The following TEX11 variants were observed in gnomAD, a reference collection of about 807,000 sequenced individuals.
TEX11 encodes testis expressed 11.
Under a neutral mutation model 84.4 loss-of-function variants are expected in TEX11, and 7 were observed. The ratio of observed to expected loss-of-function variants is 0.08; its 90% CI spans 0.05 to 0.16. The LOEUF (loss-of-function observed/expected upper bound fraction) is 0.16. Among genes scored for constraint, TEX11 ranks in the 10% least tolerant of loss-of-function variants. The pLI is 1.00. For synonymous variants in TEX11, 264 were observed against 222.8 expected (o/e 1.18, Z -1.64); for missense variants, 551 against 660.5 (o/e 0.83, Z 1.82).
At chrX:70,595,902 A>T (rs902847373) in intron 24 of TEX11, among the ~76,000 whole-genome samples, 1 of 111,277 alleles carries the variant, frequency 9.0e-6, no homozygotes, top group Non-Finnish European at 1.9e-5. Context: ...TATTAGGTTC[A>T]GAGACAAATA....
chrX:70,808,064 A>C (rs1321700262), intron 8 of TEX11, among the ~76,000 whole-genome samples: 3 of 90,140 alleles, frequency 3.3e-5, no homozygotes, highest in Non-Finnish European at 6.2e-5. Flanking sequence ...AGATCGTGCC[A>C]CTGCACTCAC....
intron 17 of TEX11, among the ~76,000 whole-genome samples, chrX:70,640,267 T>C (rs2089636665): frequency 9.3e-6 from 1 of 107,599 alleles, no homozygotes; most frequent in African/African-American, 3.4e-5. Context: ...TATGGGACTA[T>C]GTGAAAAGAC....
At chrX:70,788,134 T>C (rs1351633778) in intron 9 of TEX11, among the ~76,000 whole-genome samples, 1 of 111,769 alleles carries the variant, frequency 8.9e-6, no homozygotes, top group Non-Finnish European at 1.9e-5. Context: ...AAAATTCCAA[T>C]ATCAATTTTC....
chrX:70,640,401 T>C (rs1303451145), intron 17 of TEX11, among the ~76,000 whole-genome samples: 1 of 103,551 alleles, frequency 9.7e-6, no homozygotes, highest in Non-Finnish European at 2.0e-5. Flanking sequence ...AACGTTCAGA[T>C]TCAGGAAATA....
intron 8 of TEX11, among the ~76,000 whole-genome samples, chrX:70,824,290 A>C (rs2091333387): frequency 8.9e-6 from 1 of 112,010 alleles, no homozygotes; most frequent in South Asian, 3.7e-4. Flanking sequence ...TCAGAAGCGA[A>C]TGCTGTGGTA....
intron 7 of TEX11, among the ~76,000 whole-genome samples, chrX:70,842,372 G>A (rs1272612703): frequency 9.0e-6 from 1 of 111,052 alleles, no homozygotes; most frequent in African/African-American, 3.3e-5. Flanking sequence ...CAGAACCAAA[G>A]ACAAAAACCA....
At chrX:70,803,376 T>G (rs867982694) in intron 9 of TEX11, among the ~76,000 whole-genome samples, 3 of 111,266 alleles carry the variant, frequency 2.7e-5, no homozygotes, top group African/African-American at 9.8e-5. Flanking sequence ...CAAAAGAGTG[T>G]GGCAGAAAGC....
At chrX:70,859,348 C>G (rs967971682) in intron 5 of TEX11, among the ~76,000 whole-genome samples, 2 of 101,447 alleles carry the variant, frequency 2.0e-5, no homozygotes, top group African/African-American at 7.3e-5. Context: ...GAGGCCGGGG[C>G]GGGTGGATCA....
chrX:70,752,750 T>C (rs2090837920), intron 9 of TEX11, among the ~76,000 whole-genome samples: 1 of 109,492 alleles, frequency 9.1e-6, no homozygotes, highest in Admixed American at 9.8e-5. Context: ...GAACCAGAAA[T>C]CAGGTGGAAA....
At chrX:70,516,520 G>A in the TEX11 span, among the ~76,000 whole-genome samples, 736 of 111,792 alleles carry the variant, frequency 6.6e-3, 5 homozygotes, top group African/African-American at 0.023. Flanking sequence ...TTTGGTTACC[G>A]TAGCCTTGTA....
intron 7 of TEX11, among the ~76,000 whole-genome samples, chrX:70,844,462 G>A (rs1191075486): frequency 1.4e-5 from 1 of 71,291 alleles, no homozygotes; most frequent in African/African-American, 5.5e-5. Context: ...AGACTGTTGT[G>A]GGGTGGGGGG....
intron 13 of TEX11, among the ~76,000 whole-genome samples, chrX:70,710,885 C>A (rs977359096): frequency 3.6e-5 from 4 of 110,157 alleles, no homozygotes; most frequent in Non-Finnish European, 5.7e-5. Context: ...TGTGCCGCAC[C>A]CATTAACTCG....
chrX:70,827,092 G>C (rs781024146), intron 8 of TEX11, among the ~76,000 whole-genome samples: 8 of 111,393 alleles, frequency 7.2e-5, no homozygotes, highest in Non-Finnish European at 1.3e-4. Context: ...CAGTAGGACA[G>C]GGCACTGGGC....
chrX:70,527,711 G>A (rs936361412), downstream of TEX11, among the ~76,000 whole-genome samples: 2 of 111,846 alleles, frequency 1.8e-5, no homozygotes, highest in African/African-American at 6.5e-5. Flanking sequence ...CTGTGGTTAT[G>A]TAAGAGAGTA....
the TEX11 span, among the ~76,000 whole-genome samples, chrX:70,518,697 T>G: frequency 9.0e-6 from 1 of 111,623 alleles, no homozygotes; most frequent in Admixed American, 9.6e-5. Context: ...GTCTCATTGA[T>G]CTGTCTAATA....
intron 24 of TEX11, among the ~76,000 whole-genome samples, chrX:70,596,907 A>T (rs2147505918): frequency 9.0e-6 from 1 of 111,566 alleles, no homozygotes; most frequent in Non-Finnish European, 1.9e-5. Context: ...AGACACAAAT[A>T]ACTAAAATTA....
chrX:70,517,277 T>A, the TEX11 span, among the ~76,000 whole-genome samples: 1 of 112,049 alleles, frequency 8.9e-6, no homozygotes, highest in African/African-American at 3.2e-5. Context: ...ATAGCTCTTA[T>A]TATTTTGAGA....
At chrX:70,572,652 C>A (rs1224814158) in intron 25 of TEX11, among the ~76,000 whole-genome samples, 1 of 110,154 alleles carries the variant, frequency 9.1e-6, no homozygotes. Flanking sequence ...ACATGTACAC[C>A]ATGGAATACT....
At position 70,615,643 on chromosome X, in the gene TEX11, G is replaced by T. The variant is rs771547087; in HGVS notation, c.1752-5100C>A. On this transcript the variant is annotated intron_variant, in intron 20 of 29. Coordinates refer to ENST00000374333, the MANE Select transcript of TEX11 (RefSeq NM_031276.3). ...TTAAAGGGATAATAATAGAAAACTA[G>T]AGAAATCTAGAGAAAGATATCAATA... 3.6e-5 allele frequency among the ~76,000 whole-genome samples: 4 copies of T among 111,855 alleles called. No homozygotes were observed. The South Asian group carries it at 1.5e-3, about 42-fold the overall frequency.
Sources: allele counts gnomAD v4.1 joint callset (sites outside exome capture counted in the v4.1 genomes callset), GRCh38; gene constraint gnomAD v4.1.1; transcripts MANE v1.5; gene names NCBI Gene and HGNC (gene_info 2026-07-23, HGNC 2026-07-21).